The following NECTIN3 variants were observed in gnomAD, a reference collection of about 807,000 sequenced individuals.
The protein encoded by NECTIN3 is nectin cell adhesion molecule 3.
NECTIN3 carries 8 observed loss-of-function variants against 49.4 expected under a neutral mutation model. The ratio of observed to expected loss-of-function variants is 0.16; its 90% CI spans 0.10 to 0.29. NECTIN3 has a LOEUF of 0.29. Among genes scored for constraint, NECTIN3 ranks in the 10% least tolerant of loss-of-function variants. The pLI is 1.00. For synonymous variants in NECTIN3, 277 were observed against 241.1 expected, an observed-to-expected ratio of 1.15 and a Z score of -1.38; for missense variants, 581 against 654.6, an observed-to-expected ratio of 0.89 and a Z score of 1.23.
intron 7 of NECTIN3, among the ~76,000 whole-genome samples, chr3:111,149,458 G>GGTGT (rs1559809006): frequency 4.6e-5 from 5 of 109,554 alleles, no homozygotes; most frequent in African/African-American, 1.6e-4. Context: ...ATTCTGGTAG[G>GGTGT]ATGTGTGTGT....
upstream of NECTIN3, chr3:111,192,286 A>C: frequency 7.3e-7 from 1 of 1,368,422 alleles, no homozygotes; most frequent in South Asian, 1.3e-5. Flanking sequence ...AAAAATAGGA[A>C]TCTTAGTGGT....
chr3:111,144,808 G>A (rs1197764889), intron 5 of NECTIN3: 6 of 1,377,194 alleles, frequency 4.4e-6, no homozygotes, highest in Admixed American at 4.8e-5. Context: ...ACATACTTCA[G>A]TCAAATAGTT....
chr3:111,071,950 A>G lies in NECTIN3; in HGVS notation c.-68A>G, dbSNP rs1480239934. ...CGGACCTTCCACAGCCTCCGCCCAG[A>G]GCCTGAGGCGCCGGGGCCGGGGGAG... On this transcript the variant is annotated 5_prime_UTR_variant, in exon 1 of 6. Coordinates refer to ENST00000485303, the MANE Select transcript of NECTIN3 (RefSeq NM_015480.3). 3.4e-6 allele frequency: 4 copies of G among 1,164,718 alleles called. No individual in the cohort carries two copies. The highest frequency in any genetic ancestry group is 3.8e-5 in the South Asian group (2 of 52,766). The allele number at this position is 1,164,718 out of a possible 1,614,324, so 72.1% of individuals were successfully genotyped here.
At chr3:111,087,146 T>C (rs1038849487) in intron 1 of NECTIN3, among the ~76,000 whole-genome samples, 1 of 152,174 alleles carries the variant, frequency 6.6e-6, no homozygotes, top group Non-Finnish European at 1.5e-5. Flanking sequence ...CTTTTGAATT[T>C]TCCATCTATA....
intron 1 of NECTIN3, among the ~76,000 whole-genome samples, chr3:111,089,942 A>G (rs926329074): frequency 1.3e-5 from 2 of 152,092 alleles, no homozygotes; most frequent in South Asian, 2.1e-4. Flanking sequence ...ATGAGGTGCA[A>G]TCAAATTTCG....
At chr3:111,118,248 CTATATATATATA>C (rs34878535) in intron 2 of NECTIN3, among the ~76,000 whole-genome samples, 5,496 of 78,018 alleles carry the variant, frequency 0.07, 294 homozygotes, top group Admixed American at 0.14. Flanking sequence ...TAAAATGAAG[CTATATATATATA>C]TATATATATA....
chr3:111,159,658 C>T (rs1377658552), intron 7 of NECTIN3, among the ~76,000 whole-genome samples: 1 of 152,160 alleles, frequency 6.6e-6, no homozygotes, highest in Non-Finnish European at 1.5e-5. Flanking sequence ...GCGAAATTTC[C>T]TCCAACATCA....
chr3:111,181,538 T>C (rs2035627488), intron 7 of NECTIN3, among the ~76,000 whole-genome samples: 1 of 152,174 alleles, frequency 6.6e-6, no homozygotes, highest in South Asian at 2.1e-4. Flanking sequence ...AGAGCAGTGT[T>C]ATTCCTTCTT....
At chr3:111,107,245 A>G (rs1020578687) in intron 1 of NECTIN3, among the ~76,000 whole-genome samples, 1 of 152,098 alleles carries the variant, frequency 6.6e-6, no homozygotes, top group Non-Finnish European at 1.5e-5. Flanking sequence ...GTAAATATTG[A>G]CTGAATGACT....
intron 1 of NECTIN3, among the ~76,000 whole-genome samples, chr3:111,091,315 G>A: frequency 6.6e-6 from 1 of 152,024 alleles, no homozygotes; most frequent in East Asian, 1.9e-4. Context: ...GAGTGCAGTG[G>A]TGCGATCTCA....
intron 1 of NECTIN3, among the ~76,000 whole-genome samples, chr3:111,076,452 A>G (rs1360522507): frequency 6.6e-6 from 1 of 152,150 alleles, no homozygotes; most frequent in Admixed American, 6.6e-5. Flanking sequence ...TAAAAATCAA[A>G]TAACAGTTAA....
chr3:111,190,873 A>C (rs1165679178), upstream of NECTIN3, among the ~76,000 whole-genome samples: 1 of 152,242 alleles, frequency 6.6e-6, no homozygotes. Flanking sequence ...GTGCTATAAT[A>C]GAGATAAAAA....
At chr3:111,176,952 G>C (rs2035541091) in intron 7 of NECTIN3, among the ~76,000 whole-genome samples, 2 of 152,092 alleles carry the variant, frequency 1.3e-5, no homozygotes, top group South Asian at 4.1e-4. Context: ...TTAGTATATA[G>C]CCTGTTGTTT....
intron 7 of NECTIN3, among the ~76,000 whole-genome samples, chr3:111,159,431 C>T (rs1051471733): frequency 2.0e-5 from 3 of 152,168 alleles, no homozygotes; most frequent in Admixed American, 6.5e-5. Context: ...GGTAATTTTC[C>T]GTAATGAACT....
intron 2 of NECTIN3, among the ~76,000 whole-genome samples, chr3:111,113,882 G>T (rs1303045971): frequency 6.6e-6 from 1 of 152,086 alleles, no homozygotes; most frequent in African/African-American, 2.4e-5. Flanking sequence ...TACTCGGGTG[G>T]CTGGGTCTTG....
rs570873548 is a variant in NECTIN3, at chr3:111,072,635, C to G, written c.160+458C>G. 3.4e-6 allele frequency: 5 copies of G among 1,471,306 alleles called. No individual in the cohort carries two copies. The African/African-American group carries it at 7.0e-5, about 21-fold the overall frequency. The allele number at this position is 1,471,306 out of a possible 1,614,324, so 91.1% of individuals were successfully genotyped here. A position where few individuals can be genotyped will look rare whatever the true frequency, so the allele number is the denominator to read the frequency against. On this transcript the variant is annotated intron_variant, in intron 1 of 5. Transcript: ENST00000485303. ...AGCCTCCGGGTCCACTTCTCATGGC[C>G]TTCCACCCTGGAGAAGGCACCATTT...
Position 111,118,845 on chromosome 3 carries a change from A to G in NECTIN3, c.692A>G (p.Tyr231Cys). ...GAAACGGCAACGATTATCAGCCAGT[A>G]CAAGCTATTTCCAACCAGATTTGCT... ...PNETATIISQ[Y>C]KLFPTRFARG... The change falls in exon 3 of 6, where the codon TAC becomes TGC. Residue 231 changes from tyrosine (Y) to cysteine (C), a missense_variant. Tyr to Cys is a radical substitution (Grantham distance 194). Coordinates refer to ENST00000485303, the MANE Select transcript of NECTIN3 (RefSeq NM_015480.3). The G allele has an allele frequency of 1.2e-6, 2 of 1,614,188 alleles. No individual in the cohort carries two copies. Among genetic ancestry groups the G allele is most frequent in the Non-Finnish European group, 1.7e-6 (2 of 1,180,032 alleles).
intron 1 of NECTIN3, among the ~76,000 whole-genome samples, chr3:111,078,235 A>G (rs192132304): frequency 6.6e-6 from 1 of 152,292 alleles, no homozygotes; most frequent in East Asian, 1.9e-4. Context: ...CATAAGGCCT[A>G]GAATGACATT....
intron 7 of NECTIN3, among the ~76,000 whole-genome samples, chr3:111,157,688 A>G: frequency 6.6e-6 from 1 of 151,946 alleles, no homozygotes; most frequent in South Asian, 2.1e-4. Flanking sequence ...TGTGTATTGG[A>G]CTTAGCTGTT....
Sources: allele counts gnomAD v4.1 joint callset (sites outside exome capture counted in the v4.1 genomes callset), GRCh38; gene constraint gnomAD v4.1.1; transcripts MANE v1.5; gene names NCBI Gene and HGNC (gene_info 2026-07-23, HGNC 2026-07-21).